APC2: variants seen among roughly 807,000 people sequenced by gnomAD.
APC2 encodes APC regulator of Wnt signaling pathway 2.
Under a neutral mutation model 72.5 loss-of-function variants are expected in APC2, and 41 were observed. That is an observed-to-expected ratio of 0.57 (90% confidence interval 0.44 to 0.73). The LOEUF (loss-of-function observed/expected upper bound fraction) is 0.73. Ranked by LOEUF, APC2 falls within the 30% of genes least tolerant of loss-of-function variation. The probability of loss-of-function intolerance (pLI) is 0.00; values close to 1 mark genes in which losing one functional copy is unlikely to be tolerated. For missense variants in APC2, 3,729 were observed against 3,403.4 expected, an observed-to-expected ratio of 1.10 and a Z score of -2.38; for synonymous variants, 1,898 against 1,612.0, an observed-to-expected ratio of 1.18 and a Z score of -4.25.
In APC2 at chr19:1,462,123, G is replaced by C; in HGVS notation, c.1799G>C (p.Gly600Ala). 6.2e-7 allele frequency: 1 copy of C among 1,612,536 alleles called. No homozygotes were observed. The highest frequency in any genetic ancestry group is 8.5e-7 in the Non-Finnish European group (1 of 1,179,948). ...AACTCGCTGGCCATCATCGAGAGCG[G>C]CGGCGGCATCCTCCGCAATGTGTCC... The part of the protein sequence containing the change: ...QSNSLAIIES[G>A]GGILRNVSSL... Residue 600 changes from glycine to alanine, a missense_variant, in exon 14 of 15, where the codon GGC becomes GCC. By Grantham distance (60) the Gly-to-Ala change is moderately conservative. Transcript: ENST00000590469.
In APC2 at chr19:1,465,952, C is replaced by T. The variant is rs1379179726; in HGVS notation, c.2651C>T (p.Pro884Leu). The T allele has an allele frequency of 2.5e-6, 4 of 1,577,650 alleles. No homozygotes were observed. Among genetic ancestry groups the T allele is most frequent in the Non-Finnish European group, 3.4e-6 (4 of 1,168,016 alleles). ...TCTGGAGACCCGGGACAGGAGGCGCCACGGGAGGGCCGCGCCCAGTCCTGC... is the reference window on the plus strand; with the variant it reads ...TCTGGAGACCCGGGACAGGAGGCGCTACGGGAGGGCCGCGCCCAGTCCTGC... Reference protein sequence around the residue: ...LSSGDPGQEAPREGRAQSCSP... With the variant: ...LSSGDPGQEALREGRAQSCSP... The change falls in exon 15 of 15, where the codon CCA becomes CTA. Residue 884 changes from proline (P) to leucine (L), a missense_variant. By Grantham distance (98) the Pro-to-Leu change is moderately conservative. Transcript: ENST00000590469.
chr19:1,469,517 T>G lies in APC2; in HGVS notation c.6216T>G (p.Pro2072=), dbSNP rs775847091. 4 of 1,150,324 alleles carry G rather than the reference T, an allele frequency of 3.5e-6. No homozygotes were observed. Among genetic ancestry groups the G allele is most frequent in the Non-Finnish European group, 4.3e-6 (4 of 930,870 alleles). The allele number at this position is 1,150,324 out of a possible 1,614,324, so 71.3% of individuals were successfully genotyped here. ...PAARPSPGER[P]ARRTTSESPS... Reference sequence around the variant, plus strand: ...CCCGACCCAGCCCTGGCGAGCGCCCTGCCCGGCGCACCACCTCCGAGAGCC... The same window carrying G: ...CCCGACCCAGCCCTGGCGAGCGCCCGGCCCGGCGCACCACCTCCGAGAGCC... The change falls in exon 15 of 15, where the codon CCT becomes CCG. Residue 2072 remains proline, a synonymous_variant. Transcript: ENST00000590469.
In APC2 at chr19:1,465,888, G is replaced by A. The variant is rs753549087; in HGVS notation, c.2587G>A (p.Ala863Thr). The A allele has an allele frequency of 3.8e-6, 6 of 1,573,474 alleles. No individual in the cohort carries two copies. Among genetic ancestry groups the A allele is most frequent in the East Asian group, 4.5e-5 (2 of 44,064 alleles). The change falls in exon 15 of 15, where the codon GCC (alanine) becomes ACC (threonine). Residue 863 changes from alanine to threonine, a missense_variant. Coordinates refer to ENST00000590469, the MANE Select transcript of APC2 (RefSeq NM_005883.3). ...RIDQLVEDIS[A>T]LHTSSDDSFS... ...CGACCAGCTGGTGGAGGACATCTCCGCCCTGCACACCTCGTCCGACGATAG... is the reference window on the plus strand; with the variant it reads ...CGACCAGCTGGTGGAGGACATCTCCACCCTGCACACCTCGTCCGACGATAG...
chr19:1,460,412 CCT>C lies in APC2; in HGVS notation c.1443+93_1443+94del, dbSNP rs2083904256. The C allele has an allele frequency of 3.2e-6, 5 of 1,565,910 alleles. No individual in the cohort carries two copies. The African/African-American group carries it at 5.4e-5, about 17-fold the overall frequency. On this transcript the variant is annotated intron_variant, in intron 11 of 14. Transcript: ENST00000590469. Reference sequence around the variant, plus strand: ...CAACTCATCCCAGCCTCGAAACAGCCCTGAGAGCTGGGGCCACTTGTCCCCAA... The same window carrying C: ...CAACTCATCCCAGCCTCGAAACAGCCGAGAGCTGGGGCCACTTGTCCCCAA...
intron 9 of APC2, 70 bp from the exon 10 acceptor site, chr19:1,457,895 C>T (rs113990038): frequency 3.2e-6 from 4 of 1,233,430 alleles, no homozygotes; most frequent in Admixed American, 2.3e-5. Context: ...GGGCGGGTTG[C>T]GGGACCTTCG....
rs200824349 is a variant in APC2 at position 1,453,491 on chromosome 19, C to T, written c.293C>T (p.Pro98Leu). ...AAGTTCCAGCCGCCCACCCTGGGCC[C>T]GGAGCCTGCCGCCCGGACCCCCGAG... is the stretch of plus-strand genomic sequence containing the variant. ...NLKFQPPTLG[P>L]EPAARTPEGS... Residue 98 changes from proline to leucine, a missense_variant, in exon 4 of 15, where the codon CCG becomes CTG. Transcript: ENST00000590469. 5.6e-6 allele frequency: 9 copies of T among 1,605,734 alleles called. No homozygotes were observed. Among genetic ancestry groups the T allele is most frequent in the African/African-American group, 4.0e-5 (3 of 74,690 alleles).
intron 10 of APC2, 120 bp downstream of exon 10, chr19:1,458,180 A>G: frequency 1.1e-6 from 1 of 888,396 alleles, no homozygotes; most frequent in South Asian, 1.5e-5. Flanking sequence ...TGGAGCCCGG[A>G]GAGGGACAGA....
chr19:1,453,750 C>A, intron 4 of APC2, 139 bp downstream of exon 4: 2 of 1,193,966 alleles, frequency 1.7e-6, no homozygotes, highest in Non-Finnish European at 1.2e-6. Flanking sequence ...TGGCACTGCC[C>A]ACCGAACAAC....
Position 1,456,382 on chromosome 19 carries a change from C to T in APC2, c.794C>T (p.Thr265Ile), listed in dbSNP as rs1364066523. Residue 265 changes from threonine (T) to isoleucine (I), a missense_variant, in exon 8 of 15, where the codon ACC (threonine) becomes ATC (isoleucine). Physicochemically the swap from Thr to Ile is moderately conservative, Grantham distance 89. Transcript: ENST00000590469. ...TEVPTHPEDG[T>I]PQPGNSKVEV... is the part of the protein sequence containing the mutation. The stretch of plus-strand genomic sequence containing the variant: ...GTCCCCACACACCCTGAGGATGGCA[C>T]CCCTCAGCCGGGCAACAGCAAGGTG... 2 of 1,606,054 alleles carry T rather than the reference C, an allele frequency of 1.2e-6. No homozygotes were observed. The highest frequency in any genetic ancestry group is 2.2e-5 in the East Asian group (1 of 44,592).
upstream of APC2, among the ~76,000 whole-genome samples, chr19:1,446,525 G>A (rs1402267751): frequency 6.6e-6 from 1 of 151,906 alleles, no homozygotes; most frequent in Non-Finnish European, 1.5e-5. This position sits in a 1 kb window ranked among gnomAD's most constrained non-coding sequence, Gnocchi z 6.1. Flanking sequence ...GCCTCGGAAG[G>A]CTGGCGGGGA....
At chr19:1,460,373 A>G in intron 11 of APC2, 53 bp downstream of exon 11, 1 of 1,608,972 alleles carries the variant, frequency 6.2e-7, no homozygotes, top group South Asian at 1.1e-5. Flanking sequence ...TCTTCCAGGG[A>G]CTGAGCCTCC....
Position 1,466,905 on chromosome 19 carries a change from C to T in APC2, c.3604C>T (p.Pro1202Ser). 6.3e-7 allele frequency: 1 copy of T among 1,583,828 alleles called. No individual in the cohort carries two copies. Among genetic ancestry groups the T allele is most frequent in the South Asian group, 1.1e-5 (1 of 87,504 alleles). ...TISPSELPDS[P>S]GQTMPPSRSK... Reference sequence around the variant, plus strand: ...CAGCCCTAGCGAGCTGCCCGACAGCCCCGGACAGACCATGCCTCCCAGCCG... The same window carrying T: ...CAGCCCTAGCGAGCTGCCCGACAGCTCCGGACAGACCATGCCTCCCAGCCG... Residue 1202 changes from proline to serine, a missense_variant, in exon 15 of 15, where the codon CCC becomes TCC. Coordinates refer to ENST00000590469, the MANE Select transcript of APC2 (RefSeq NM_005883.3).
Position 1,457,895 on chromosome 19 carries a change from C to CCGGGGGGG in APC2, c.1208-70_1208-69insCGGGGGGG, listed in dbSNP as rs374378343. On this transcript the variant is annotated intron_variant, in intron 9 of 14. Transcript: ENST00000590469. ...CTTCAGGCCTGGGGCGGGCGGGTTG[C>CCGGGGGGG]GGGACCTTCGGGAGTCACCTGGGAC... The CCGGGGGGG allele has an allele frequency of 3.5e-5, 44 of 1,251,632 alleles. No homozygotes were observed. The African/African-American group carries it at 9.1e-4, about 26-fold the overall frequency. The allele number at this position is 1,251,632 out of a possible 1,614,324, so 77.5% of individuals were successfully genotyped here. A position where few individuals can be genotyped will look rare whatever the true frequency, so the allele number is the denominator to read the frequency against.
Position 1,465,931 on chromosome 19 carries a change from G to C in APC2, c.2630G>C (p.Gly877Ala), listed in dbSNP as rs2084003484. Residue 877 changes from glycine (G) to alanine (A), a missense_variant, in exon 15 of 15, where the codon GGA (glycine) becomes GCA (alanine). By Grantham distance (60) the Gly-to-Ala change is moderately conservative. Transcript: ENST00000590469. ...SSDDSFSLSS[G>A]DPGQEAPREG... ...GACGATAGCTTCAGCCTCAGCTCTG[G>C]AGACCCGGGACAGGAGGCGCCACGG... 1.3e-6 allele frequency: 2 copies of C among 1,586,060 alleles called. No individual in the cohort carries two copies. Among genetic ancestry groups the C allele is most frequent in the African/African-American group, 2.7e-5 (2 of 72,988 alleles).
Position 1,459,685 on chromosome 19 carries a change from G to A in APC2, c.1304-496G>A, listed in dbSNP as rs1031403445. 5.3e-5 allele frequency among the ~76,000 whole-genome samples: 8 copies of A among 152,326 alleles called. 1 individual carries two copies. The South Asian group carries it at 1.4e-3, about 28-fold the overall frequency. On this transcript the variant is annotated intron_variant, in intron 10 of 14. Transcript: ENST00000590469. ...CCTCCTCTCCCTCTGACTCACAGGC[G>A]CCATCTCCCCGTTGATTTCCCCCTT...
Position 1,457,137 on chromosome 19 carries a change from G to A in APC2, c.1101G>A (p.Glu367=), listed in dbSNP as rs2083844903. 1 of 1,589,494 alleles carries A rather than the reference G, an allele frequency of 6.3e-7. No individual in the cohort carries two copies. Among genetic ancestry groups the A allele is most frequent in the Non-Finnish European group, 8.5e-7 (1 of 1,170,790 alleles). The change falls in exon 9 of 15, where the codon GAG becomes GAA. Residue 367 remains glutamate, a synonymous_variant. Transcript: ENST00000590469. Reference sequence around the variant, plus strand: ...CGGACCAGGGCCTGGCGCGCAAGGAGATGCGCGTCCTGCACGTGCTGGAGC... The same window carrying A: ...CGGACCAGGGCCTGGCGCGCAAGGAAATGCGCGTCCTGCACGTGCTGGAGC... The part of the protein sequence containing the change: ...SQPDQGLARK[E]MRVLHVLEQI...
chr19:1,450,635 G>A (rs2083732217), intron 1 of APC2, among the ~76,000 whole-genome samples: 1 of 152,250 alleles, frequency 6.6e-6, no homozygotes, highest in South Asian at 2.1e-4. Context: ...CTGGGTGTCA[G>A]TTTCCCTCTC....
At chr19:1,463,539 G>A (rs10416666) in intron 14 of APC2, among the ~76,000 whole-genome samples, 1 of 150,222 alleles carries the variant, frequency 6.7e-6, no homozygotes, top group Non-Finnish European at 1.5e-5. Context: ...GCCAGGATAA[G>A]GCCATTGCAC....
chr19:1,455,896 G>T (rs1183358888), intron 6 of APC2, among the ~76,000 whole-genome samples, 180 bp from the exon 7 acceptor site: 1 of 152,246 alleles, frequency 6.6e-6, no homozygotes, highest in Non-Finnish European at 1.5e-5. Context: ...TTAGGAGGCG[G>T]GGCTTAGGGA....
Sources: gnomAD v4.1 joint callset for allele counts (sites outside exome capture counted in the v4.1 genomes callset) on GRCh38, gnomAD v4.1.1 for gene constraint, Gnocchi (gnomAD v3.1) non-coding constraint, MANE v1.5 for transcripts, NCBI Gene and HGNC (gene_info 2026-07-23, HGNC 2026-07-21) for gene names.